NRXN3: variants seen among roughly 807,000 people sequenced by gnomAD.
The protein encoded by NRXN3 is neurexin III.
NRXN3 carries 32 observed loss-of-function variants against 137.6 expected under a neutral mutation model. The observed-to-expected ratio is 0.23, with a 90% confidence interval of 0.18 to 0.31. The LOEUF (loss-of-function observed/expected upper bound fraction) is 0.31. NRXN3 is among the 10% of genes least tolerant of loss of function. The probability of loss-of-function intolerance (pLI) is 1.00; values close to 1 mark genes in which losing one functional copy is unlikely to be tolerated. For synonymous variants in NRXN3, 798 were observed against 784.5 expected (o/e 1.02, Z -0.29); for missense variants, 1,574 against 2,062.5 (o/e 0.76, Z 4.59).
At chr14:79,324,622 G>A (rs1386572802) in intron 15 of NRXN3, among the ~76,000 whole-genome samples, 2 of 152,204 alleles carry the variant, frequency 1.3e-5, no homozygotes, top group Non-Finnish European at 2.9e-5. Flanking sequence ...TGCGTGGGCA[G>A]GTAGATTTGG....
chr14:79,204,926 T>C (rs548014455), intron 15 of NRXN3, among the ~76,000 whole-genome samples: 3 of 152,328 alleles, frequency 2.0e-5, no homozygotes, highest in African/African-American at 7.2e-5. Context: ...TGTTGGTTGC[T>C]TCCTTCTGGC....
At chr14:79,227,320 T>C (rs77913367) in intron 15 of NRXN3, among the ~76,000 whole-genome samples, 4,189 of 152,132 alleles carry the variant, frequency 0.028, 141 homozygotes, top group South Asian at 0.086. Flanking sequence ...CCTCTTATAC[T>C]TTCGTGTTAA....
At chr14:78,986,819 G>A (rs1416857149) in intron 14 of NRXN3, among the ~76,000 whole-genome samples, 2 of 151,744 alleles carry the variant, frequency 1.3e-5, no homozygotes, top group Admixed American at 6.6e-5. Flanking sequence ...TCAGGAGATC[G>A]AGACGATCTT....
chr14:78,734,242 CA>C lies in NRXN3; in HGVS notation c.2044+19104del, dbSNP rs1567176386. Among the ~76,000 whole-genome samples the C allele has an allele frequency of 3.3e-5, 5 of 151,358 alleles. 1 individual carries two copies. The highest frequency in any genetic ancestry group is 1.3e-4 in the Admixed American group (2 of 15,194). On this transcript the variant is annotated intron_variant, in intron 8 of 20. Coordinates refer to ENST00000335750, the MANE Select transcript of NRXN3 (RefSeq NM_001330195.2). ...ACACACACACACACACACACACACA[CA>C]CACACACACACCCTTTTCATCTTAC...
chr14:78,898,398 A>G (rs1395432439), intron 10 of NRXN3, among the ~76,000 whole-genome samples: 3 of 151,844 alleles, frequency 2.0e-5, no homozygotes, highest in African/African-American at 7.3e-5. Context: ...AGCAATGGGA[A>G]CTCCCCAGGT....
Position 79,866,354 on chromosome 14 carries a change from T to C in NRXN3, c.*4390T>C, listed in dbSNP as rs917202218. 6.6e-6 allele frequency: 1 copy of C among 152,154 alleles called. No homozygotes were observed. The highest frequency in any genetic ancestry group is 1.5e-5 in the Non-Finnish European group (1 of 68,034). The allele number at this position is 152,154 out of a possible 1,614,324, so 9.4% of individuals were successfully genotyped here. A position where few individuals can be genotyped will look rare whatever the true frequency, so the allele number is the denominator to read the frequency against. Reference sequence around the variant, plus strand: ...GAACAAAAAATGGTACTATAGTGAATGCAAATAAGCTATCAAAAAGTACAA... The same window carrying C: ...GAACAAAAAATGGTACTATAGTGAACGCAAATAAGCTATCAAAAAGTACAA... On this transcript the variant is annotated 3_prime_UTR_variant, in exon 21 of 21. Transcript: ENST00000335750.
intron 4 of NRXN3, among the ~76,000 whole-genome samples, chr14:78,485,936 G>T (rs1295884805): frequency 2.0e-5 from 3 of 152,200 alleles, no homozygotes; most frequent in Non-Finnish European, 4.4e-5. Flanking sequence ...TACTAGTTTA[G>T]AGTTGTTTGA....
chr14:78,950,947 G>C (rs1391617821), intron 10 of NRXN3, among the ~76,000 whole-genome samples: 1 of 152,034 alleles, frequency 6.6e-6, no homozygotes, highest in Non-Finnish European at 1.5e-5. Context: ...TTTCAGTGAG[G>C]CTGTTTTCAT....
intron 14 of NRXN3, among the ~76,000 whole-genome samples, chr14:78,971,737 G>A (rs2099441799): frequency 6.6e-6 from 1 of 152,108 alleles, no homozygotes; most frequent in Non-Finnish European, 1.5e-5. Context: ...CCAGCTTCAA[G>A]CGAATCTGCT....
chr14:78,727,208 G>C (rs1037515122), intron 8 of NRXN3, among the ~76,000 whole-genome samples: 5 of 152,188 alleles, frequency 3.3e-5, no homozygotes, highest in Admixed American at 3.3e-4. Flanking sequence ...TGAGAGAAGT[G>C]GGGGAAGGTG....
chr14:78,920,669 C>A (rs2099268539), intron 10 of NRXN3, among the ~76,000 whole-genome samples: 1 of 152,190 alleles, frequency 6.6e-6, no homozygotes. Context: ...CAGTTTTGTG[C>A]AGCTGACCAC....
intron 4 of NRXN3, among the ~76,000 whole-genome samples, chr14:78,341,539 A>G (rs2153581856): frequency 6.6e-6 from 1 of 152,278 alleles, no homozygotes; most frequent in South Asian, 2.1e-4. Context: ...GTTCCAGTGA[A>G]ATTTTATTTC....
rs368262590 is a variant in NRXN3, at chr14:78,757,806, G to A, written c.2044+42667G>A. Reference sequence around the variant, plus strand: ...GTTTTGACAAATGTACCATTGTTGTGTAAGAGGTTAATATTTGGCAAAATT... The same window carrying A: ...GTTTTGACAAATGTACCATTGTTGTATAAGAGGTTAATATTTGGCAAAATT... On this transcript the variant is annotated intron_variant, in intron 8 of 20. Transcript: ENST00000335750. Among the ~76,000 whole-genome samples, 12 of 152,342 alleles carry A rather than the reference G, an allele frequency of 7.9e-5. No individual in the cohort carries two copies. In the East Asian group the frequency reaches 2.3e-3, roughly 29 times the overall value.
intron 15 of NRXN3, among the ~76,000 whole-genome samples, chr14:79,100,763 C>T (rs2051133366): frequency 6.6e-6 from 1 of 152,148 alleles, no homozygotes; most frequent in South Asian, 2.1e-4. Context: ...TAGAACTAAA[C>T]ACCCTCAAAT....
Position 79,612,030 on chromosome 14 carries a change from A to G in NRXN3, c.3445-51748A>G, listed in dbSNP as rs550930755. On this transcript the variant is annotated intron_variant, in intron 16 of 20. Transcript: ENST00000335750. The stretch of plus-strand genomic sequence containing the variant: ...AGCTGTGAAAAATATATAATATGCT[A>G]TGGTAATAAGACACTGAACTGTGAT... Among the ~76,000 whole-genome samples the G allele has an allele frequency of 1.8e-3, 278 of 152,314 alleles. 1 individual carries two copies. The highest frequency in any genetic ancestry group is 3.3e-3 in the Non-Finnish European group (223 of 68,018).
At chr14:79,852,614 A>T (rs2099394135) in intron 20 of NRXN3, among the ~76,000 whole-genome samples, 1 of 151,900 alleles carries the variant, frequency 6.6e-6, no homozygotes, top group African/African-American at 2.4e-5. Flanking sequence ...AAGCCAAAAA[A>T]TAAAGAAAAC....
intron 16 of NRXN3, among the ~76,000 whole-genome samples, chr14:79,623,572 A>C (rs1285269849): frequency 2.0e-5 from 3 of 152,230 alleles, no homozygotes; most frequent in African/African-American, 4.8e-5. Flanking sequence ...AAATTCTGCT[A>C]CTAAGCTATC....
In NRXN3 at chr14:79,466,593, G is replaced by GA. The variant is rs199710551; in HGVS notation, c.3263-619dup. 2.0e-4 allele frequency among the ~76,000 whole-genome samples: 30 copies of GA among 149,746 alleles called. 1 individual carries two copies. The highest frequency in any genetic ancestry group is 6.0e-4 in the Admixed American group (9 of 15,116). On this transcript the variant is annotated intron_variant, in intron 15 of 20. Transcript: ENST00000335750. ...ACAGAGAGAGACTCCATCTCAGAAA[G>GA]AAAAAAAAACTCCTAGAAATCATTT... is the stretch of plus-strand genomic sequence containing the variant.
chr14:78,695,248 C>T (rs1594826957), intron 6 of NRXN3: 2 of 152,146 alleles, frequency 1.3e-5, no homozygotes, highest in East Asian at 3.9e-4. Context: ...AGGATAGTCT[C>T]ACCTCAAGAT....
Sources: gnomAD v4.1 joint callset for allele counts (sites outside exome capture counted in the v4.1 genomes callset) on GRCh38, gnomAD v4.1.1 for gene constraint, MANE v1.5 for transcripts, NCBI Gene and HGNC (gene_info 2026-07-23, HGNC 2026-07-21) for gene names.